Variants in JPH1 observed in about 807,000 individuals in gnomAD.
JPH1 encodes junctophilin-1.
In JPH1, 12 loss-of-function variants were observed where a neutral mutation model predicts 53.6. The ratio of observed to expected loss-of-function variants is 0.22; its 90% CI spans 0.14 to 0.36. JPH1 has a LOEUF of 0.36. JPH1 is among the 10% of genes least tolerant of loss of function. The probability of loss-of-function intolerance (pLI) is 1.00; values close to 1 mark genes in which losing one functional copy is unlikely to be tolerated. For missense variants in JPH1, 808 were observed against 905.5 expected (o/e 0.89, Z 1.38); for synonymous variants, 375 against 363.8 (o/e 1.03, Z -0.35).
At chr8:74,238,409 C>T (rs1357164961) in intron 4 of JPH1, among the ~76,000 whole-genome samples, 1 of 152,130 alleles carries the variant, frequency 6.6e-6, no homozygotes, top group Non-Finnish European at 1.5e-5. Context: ...CTGACTGAGC[C>T]CACATCTCCG....
chr8:74,303,390 T>C (rs1807739842), intron 2 of JPH1, among the ~76,000 whole-genome samples: 1 of 152,192 alleles, frequency 6.6e-6, no homozygotes, highest in Non-Finnish European at 1.5e-5. Context: ...CCACCATCCA[T>C]TAGTTGGCTA....
chr8:74,244,897 G>T lies in JPH1; in HGVS notation c.1537C>A (p.Pro513Thr), dbSNP rs748343327. 1.7e-5 allele frequency: 27 copies of T among 1,614,008 alleles called. No individual in the cohort carries two copies. In the East Asian group the frequency reaches 2.7e-4, roughly 16 times the overall value. Residue 513 changes from proline to threonine, a missense_variant, in exon 4 of 6, where the codon CCC (proline) becomes ACC (threonine). By Grantham distance (38) the Pro-to-Thr change is conservative. Around this residue, in one of 2 missense-constraint regions of JPH1, gnomAD observed 756 missense variants for 811.9 expected, o/e 0.93. Transcript: ENST00000342232. Reference protein sequence around the residue: ...DEQVTAIVNKPLMSKAPTKEA... With the variant: ...DEQVTAIVNKTLMSKAPTKEA... ...TTCGTGGGAGCCTTTGACATCAAGG[G>T]CTTATTGACAATGGCCGTCACCTGC...
chr8:74,310,954 A>G (rs959723062), intron 2 of JPH1, among the ~76,000 whole-genome samples: 1 of 152,190 alleles, frequency 6.6e-6, no homozygotes, highest in African/African-American at 2.4e-5. Context: ...TCTGAATGTG[A>G]GGGGCTTGGA....
chr8:74,237,281 A>C lies in JPH1; in HGVS notation c.1928T>G (p.Val643Gly). ...ANSGPNSIMI[V>G]LVMLLNIGLA... is the part of the protein sequence containing the mutation. ...CCCGATATTCAACAGCATGACAAGG[A>C]CAATCATGATTGAATTAGGGCCCTG... The change falls in exon 5 of 6, where the codon GTC becomes GGC. Residue 643 changes from valine to glycine, a missense_variant. Val to Gly is a moderately radical substitution (Grantham distance 109, BLOSUM62 -3). This residue lies in a region of JPH1 where 756 missense variants were observed against 811.9 expected (regional missense o/e 0.93). Coordinates refer to ENST00000342232, the MANE Select transcript of JPH1 (RefSeq NM_020647.4). 1 of 1,613,530 alleles carries C rather than the reference A, an allele frequency of 6.2e-7. No individual in the cohort carries two copies. Among genetic ancestry groups the C allele is most frequent in the Non-Finnish European group, 8.5e-7 (1 of 1,179,674 alleles).
chr8:74,317,085 A>G (rs958299160), intron 1 of JPH1, among the ~76,000 whole-genome samples: 17 of 152,342 alleles, frequency 1.1e-4, no homozygotes, highest in Non-Finnish European at 2.4e-4. Flanking sequence ...TTTCCATTGC[A>G]TGGCACATAT....
intron 2 of JPH1, among the ~76,000 whole-genome samples, chr8:74,272,192 C>A (rs928259880): frequency 5.9e-5 from 9 of 152,314 alleles, no homozygotes; most frequent in African/African-American, 2.2e-4. Context: ...TCCAAATCCT[C>A]ATTTCCTGAT....
At chr8:74,249,836 T>C (rs558620481) in intron 3 of JPH1, among the ~76,000 whole-genome samples, 1 of 152,326 alleles carries the variant, frequency 6.6e-6, no homozygotes, top group South Asian at 2.1e-4. Context: ...CAAGCTTAGT[T>C]AACACTGGTC....
chr8:74,256,565 A>C (rs1027638431), intron 3 of JPH1, among the ~76,000 whole-genome samples: 4 of 151,754 alleles, frequency 2.6e-5, no homozygotes, highest in Non-Finnish European at 5.9e-5. Context: ...ACAAATTTAC[A>C]AGAAAAAAAC....
intron 2 of JPH1, among the ~76,000 whole-genome samples, chr8:74,278,464 C>T (rs1269662686): frequency 1.3e-5 from 2 of 152,178 alleles, no homozygotes; most frequent in African/African-American, 4.8e-5. Context: ...ATTTTTGCTT[C>T]CTGTTCCCGT....
At chr8:74,243,279 AAATG>A (rs1805750206) in intron 4 of JPH1, among the ~76,000 whole-genome samples, 2 of 152,232 alleles carry the variant, frequency 1.3e-5, no homozygotes, top group Non-Finnish European at 2.9e-5. Flanking sequence ...AAAATCTTTA[AAATG>A]AATGCTTACT....
chr8:74,239,784 A>G (rs6996715), intron 4 of JPH1, among the ~76,000 whole-genome samples: 113,125 of 152,034 alleles, frequency 0.74, 42,165 homozygotes, highest in East Asian at 0.82. Flanking sequence ...TCCTTTGAGC[A>G]TCATGTTGGT....
chr8:74,257,629 G>A (rs1261767303), intron 3 of JPH1, among the ~76,000 whole-genome samples: 1 of 152,182 alleles, frequency 6.6e-6, no homozygotes, highest in Non-Finnish European at 1.5e-5. Context: ...CAGCTAATTT[G>A]CCAATATACG....
At chr8:74,303,219 T>C (rs1678958774) in intron 2 of JPH1, among the ~76,000 whole-genome samples, 1 of 152,224 alleles carries the variant, frequency 6.6e-6, no homozygotes, top group Non-Finnish European at 1.5e-5. Context: ...AGGGTTTGGC[T>C]CCAAGCTCTG....
At chr8:74,304,242 A>G (rs570793513) in intron 2 of JPH1, among the ~76,000 whole-genome samples, 19 of 152,358 alleles carry the variant, frequency 1.2e-4, no homozygotes, top group African/African-American at 3.8e-4. Flanking sequence ...TTACATTTCC[A>G]TTGTATGTAA....
At chr8:74,306,573 C>T (rs78147332) in intron 2 of JPH1, among the ~76,000 whole-genome samples, 6,775 of 121,672 alleles carry the variant, frequency 0.056, 473 homozygotes, top group African/African-American at 0.19. Context: ...AAAAGGATAA[C>T]GTATAAAAGG....
At chr8:74,251,669 CT>C (rs905712669) in intron 3 of JPH1, among the ~76,000 whole-genome samples, 1 of 151,932 alleles carries the variant, frequency 6.6e-6, no homozygotes, top group East Asian at 1.9e-4. Flanking sequence ...TACTAGCAAC[CT>C]TTTTTTCTAC....
chr8:74,292,479 G>C (rs1348998375), intron 2 of JPH1, among the ~76,000 whole-genome samples: 1 of 152,150 alleles, frequency 6.6e-6, no homozygotes, highest in Non-Finnish European at 1.5e-5. Flanking sequence ...TGTGTTTCCT[G>C]TGTTTTACCT....
intron 2 of JPH1, among the ~76,000 whole-genome samples, chr8:74,291,151 A>G (rs1807314715): frequency 6.6e-6 from 1 of 152,212 alleles, no homozygotes; most frequent in Admixed American, 6.5e-5. Context: ...TAAGCTAAAG[A>G]ACTTCTGCAC....
intron 2 of JPH1, among the ~76,000 whole-genome samples, chr8:74,260,451 C>T (rs951576228): frequency 2.0e-5 from 3 of 152,110 alleles, no homozygotes; most frequent in Non-Finnish European, 4.4e-5. Flanking sequence ...GGCCTTGTCC[C>T]GTTAGTCTTT....
Sources: gnomAD v4.1 joint callset for allele counts (sites outside exome capture counted in the v4.1 genomes callset) on GRCh38, gnomAD v4.1.1 for gene constraint, gnomAD v4.1.1 regional missense constraint, MANE v1.5 for transcripts, NCBI Gene and HGNC (gene_info 2026-07-23, HGNC 2026-07-21) for gene names.